HDX: variants seen among roughly 807,000 people sequenced by gnomAD.
The protein encoded by HDX is chromosome X open reading frame 43.
Under a neutral mutation model 45.2 loss-of-function variants are expected in HDX, and 19 were observed. The ratio of observed to expected loss-of-function variants is 0.42; its 90% confidence interval spans 0.29 to 0.62. The LOEUF is 0.62. Ranked by LOEUF, HDX falls within the 20% of genes least tolerant of loss-of-function variation. The pLI, the probability that HDX is intolerant of heterozygous loss-of-function variation, is 0.20. For missense variants in HDX, 532 were observed against 493.9 expected (o/e 1.08, Z -0.73); for synonymous variants, 188 against 172.8 (o/e 1.09, Z -0.69).
chrX:84,380,496 T>C (rs955922262), intron 5 of HDX, among the ~76,000 whole-genome samples: 1 of 111,050 alleles, frequency 9.0e-6, no homozygotes, highest in Non-Finnish European at 1.9e-5. Flanking sequence ...GCAAAGAGAA[T>C]TCAACCAAAT....
intron 5 of HDX, among the ~76,000 whole-genome samples, chrX:84,408,510 T>TTG (rs1312578062): frequency 2.0e-5 from 2 of 101,839 alleles, no homozygotes; most frequent in Non-Finnish European, 4.0e-5. Context: ...TTTTTTTTTT[T>TTG]TTTTTTTTTT....
At chrX:84,404,477 A>G (rs959373244) in intron 5 of HDX, among the ~76,000 whole-genome samples, 8 of 111,582 alleles carry the variant, frequency 7.2e-5, no homozygotes, top group African/African-American at 2.6e-4. Context: ...ATCTGATCTA[A>G]GGTTAAGAAT....
intron 1 of HDX, among the ~76,000 whole-genome samples, chrX:84,496,427 A>T (rs2041002999): frequency 9.1e-6 from 1 of 109,932 alleles, no homozygotes; most frequent in Non-Finnish European, 1.9e-5. Context: ...CTGATTCAGT[A>T]TATCTAGTGT....
intron 1 of HDX, among the ~76,000 whole-genome samples, chrX:84,495,170 G>A (rs999175341): frequency 9.0e-6 from 1 of 110,883 alleles, no homozygotes; most frequent in Non-Finnish European, 1.9e-5. Context: ...GAAGCAGAGA[G>A]TAGAATGGTA....
chrX:84,456,233 G>T (rs1175691919), intron 4 of HDX, among the ~76,000 whole-genome samples: 1 of 111,502 alleles, frequency 9.0e-6, no homozygotes, highest in African/African-American at 3.2e-5. Context: ...AGAAAGACTA[G>T]AAGACAAACC....
chrX:84,339,620 ACTAT>A (rs1331633432), intron 7 of HDX, among the ~76,000 whole-genome samples: 2 of 111,693 alleles, frequency 1.8e-5, no homozygotes, highest in Admixed American at 9.5e-5. Context: ...AAATCTAAAC[ACTAT>A]CTACGTGCCT....
At chrX:84,373,830 TC>T (rs1404823023) in intron 5 of HDX, among the ~76,000 whole-genome samples, 4 of 111,079 alleles carry the variant, frequency 3.6e-5, no homozygotes, top group Non-Finnish European at 7.6e-5. Flanking sequence ...CTGGAAGCAT[TC>T]CCTTTGAAAA....
chrX:84,469,463 T>C lies in HDX; in HGVS notation c.260A>G (p.Asn87Ser). 8.3e-7 allele frequency: 1 copy of C among 1,211,168 alleles called. No individual in the cohort carries two copies. Among genetic ancestry groups the C allele is most frequent in the Non-Finnish European group, 1.1e-6 (1 of 895,218 alleles). Residue 87 changes from asparagine to serine, a missense_variant, in exon 4 of 11, where the codon AAT (asparagine) becomes AGT (serine). Asn to Ser is a conservative substitution (Grantham distance 46, BLOSUM62 1). This residue lies in a region of HDX where 376 missense variants were observed against 343.7 expected (regional missense o/e 1.09). Transcript: ENST00000373177. ...APDITVRNVV[N>S]IARPSSQQSS... ...CTGCTGGCTTGAGGGTCGAGCAATA[T>C]TAACCACATTTCTGACTGTGATGTC... is the stretch of plus-strand genomic sequence containing the variant.
intron 4 of HDX, among the ~76,000 whole-genome samples, chrX:84,465,770 G>A (rs1239356498): frequency 9.0e-6 from 1 of 111,391 alleles, no homozygotes; most frequent in Non-Finnish European, 1.9e-5. Flanking sequence ...GTATACCTAT[G>A]TAACAAACCT....
intron 5 of HDX, among the ~76,000 whole-genome samples, chrX:84,368,580 TGTG>T (rs1372642029): frequency 4.5e-5 from 5 of 112,254 alleles, no homozygotes; most frequent in African/African-American, 1.6e-4. Flanking sequence ...TTTTTCAAAT[TGTG>T]GTAAAATATA....
intron 3 of HDX, among the ~76,000 whole-genome samples, chrX:84,471,132 A>G (rs1307751797): frequency 3.6e-5 from 4 of 111,314 alleles, no homozygotes; most frequent in Non-Finnish European, 7.5e-5. Flanking sequence ...AAATTGTCCA[A>G]TTTTCAATGT....
intron 6 of HDX, among the ~76,000 whole-genome samples, chrX:84,349,099 T>C (rs746486314): frequency 4.5e-5 from 5 of 110,822 alleles, no homozygotes; most frequent in African/African-American, 1.6e-4. Flanking sequence ...ATTCATCAGT[T>C]ACAGTTTAGG....
chrX:84,363,844 GCATCATGAAAC>G (rs1030621501), intron 5 of HDX, among the ~76,000 whole-genome samples: 11 of 111,363 alleles, frequency 9.9e-5, no homozygotes, highest in Non-Finnish European at 1.5e-4. Context: ...ACTTTGCAAG[GCATCATGAAAC>G]CTAAACCTGT....
intron 1 of HDX, among the ~76,000 whole-genome samples, chrX:84,492,208 C>T (rs1216360495): frequency 9.0e-6 from 1 of 111,354 alleles, no homozygotes; most frequent in Non-Finnish European, 1.9e-5. Flanking sequence ...ATCTTGTCTC[C>T]CTTCTCTCAA....
intron 9 of HDX, among the ~76,000 whole-genome samples, chrX:84,331,918 T>C (rs2036851021): frequency 9.0e-6 from 1 of 111,577 alleles, no homozygotes; most frequent in South Asian, 3.7e-4. Flanking sequence ...TTTTGCACAA[T>C]GACAAAATTG....
At chrX:84,493,470 C>A (rs1157814180) in intron 1 of HDX, among the ~76,000 whole-genome samples, 1 of 111,969 alleles carries the variant, frequency 8.9e-6, no homozygotes, top group Non-Finnish European at 1.9e-5. Flanking sequence ...CTACATAAAA[C>A]ATATTCATAG....
rs1429522346 is a variant in HDX at position 84,360,437 on chromosome X, C to A, written c.1452+1029G>T. On this transcript the variant is annotated intron_variant, in intron 6 of 10. Transcript: ENST00000373177. ...ATTGAGATATATTTAAAACACCACA[C>A]AATTCATTTATTTAATATGTACAAT... 4.5e-5 allele frequency among the ~76,000 whole-genome samples: 5 copies of A among 111,903 alleles called. No homozygotes were observed. The South Asian group carries it at 1.9e-3, about 41-fold the overall frequency.
At position 84,320,906 on chromosome X, in the gene HDX, G is replaced by A; in HGVS notation, c.*983C>T. On this transcript the variant is annotated 3_prime_UTR_variant, in exon 11 of 11. Transcript: ENST00000373177. ...CAACCAAAGTAGTATAACTCTTTTTGAATACTATCCTTGGCTGATGGCTCT... is the reference window on the plus strand; with the variant it reads ...CAACCAAAGTAGTATAACTCTTTTTAAATACTATCCTTGGCTGATGGCTCT... The A allele has an allele frequency of 9.1e-6, 1 of 110,493 alleles. No individual in the cohort carries two copies. Among genetic ancestry groups the A allele is most frequent in the Non-Finnish European group, 1.9e-5 (1 of 52,340 alleles). The allele number at this position is 110,493 out of a possible 1,213,427, so 9.1% of individuals were successfully genotyped here.
chrX:84,468,856 T>C lies in HDX; in HGVS notation c.867A>G (p.Ala289=), dbSNP rs753169624. ...TTGCAATGGACAAACAATTTCCTTC[T>C]GCTGAGCTAGGCTTCTGTGGGGCAT... The part of the protein sequence containing the change: ...GGNAPQKPSS[A]EGNCLSIAME... The change falls in exon 4 of 11, where the codon GCA becomes GCG. Residue 289 remains alanine (A), a synonymous_variant. Coordinates refer to ENST00000373177, the MANE Select transcript of HDX (RefSeq NM_001177479.2). 7 of 1,209,809 alleles carry C rather than the reference T, an allele frequency of 5.8e-6. No homozygotes were observed. The highest frequency in any genetic ancestry group is 7.8e-6 in the Non-Finnish European group (7 of 895,161).
Sources: gnomAD v4.1 joint callset for allele counts (sites outside exome capture counted in the v4.1 genomes callset) on GRCh38, gnomAD v4.1.1 for gene constraint, gnomAD v4.1.1 regional missense constraint, MANE v1.5 for transcripts, NCBI Gene and HGNC (gene_info 2026-07-23, HGNC 2026-07-21) for gene names.